NCAPD2: variants seen among roughly 807,000 people sequenced by gnomAD.
NCAPD2 encodes non-SMC condensin I complex subunit D2, also known as condensin complex subunit 1.
NCAPD2 carries 100 observed loss-of-function variants against 164.5 expected under a neutral mutation model. The observed-to-expected ratio is 0.61, with a 90% CI of 0.52 to 0.72. The LOEUF is 0.72. NCAPD2 is among the 30% of genes least tolerant of loss of function. The probability of loss-of-function intolerance (pLI) is 0.00; values close to 1 mark genes in which losing one functional copy is unlikely to be tolerated. For synonymous variants in NCAPD2, 585 were observed against 642.6 expected (o/e 0.91, Z 1.36); for missense variants, 1,560 against 1,749.2 (o/e 0.89, Z 1.93).
In NCAPD2 at chr12:6,528,933, T is replaced by C. The variant is rs1946344600; in HGVS notation, c.3478-12T>C. ...ACCTCATCTCCTTAACATGGCTCTC[T>C]CTGTCTTACAGGGCAACGCAATCTA... On this transcript the variant is annotated splice_polypyrimidine_tract_variant and intron_variant, in intron 26 of 31. Coordinates refer to ENST00000315579, the MANE Select transcript of NCAPD2 (RefSeq NM_014865.4). This position sits in a 1 kb window ranked among gnomAD's most constrained non-coding sequence, Gnocchi z 5.1. The C allele has an allele frequency of 6.2e-7, 1 of 1,613,940 alleles. No homozygotes were observed.
At chr12:6,507,896 A>G (rs756248983) in intron 2 of NCAPD2, among the ~76,000 whole-genome samples, 1 of 152,178 alleles carries the variant, frequency 6.6e-6, no homozygotes, top group Non-Finnish European at 1.5e-5. Context: ...ATTAAAGAAT[A>G]GAGGATTGAT....
At chr12:6,525,475 A>T in intron 17 of NCAPD2, 108 bp from the exon 18 acceptor site, 1 of 1,294,310 alleles carries the variant, frequency 7.7e-7, no homozygotes, top group Non-Finnish European at 1.1e-6. Flanking sequence ...TCTCTTCCTA[A>T]GTATTACTTT....
chr12:6,527,086 TC>T (rs1565546993), intron 22 of NCAPD2, 23 bp downstream of exon 22: 15 of 1,585,330 alleles, frequency 9.5e-6, no homozygotes, highest in Non-Finnish European at 1.3e-5. Context: ...CCTCAGCACT[TC>T]CCAGATTTAT....
Position 6,522,838 on chromosome 12 carries a change from G to A in NCAPD2, c.1965G>A (p.Glu655=). Residue 655 remains glutamate, a synonymous_variant, in exon 16 of 32, where the codon GAG becomes GAA. Transcript: ENST00000315579. ...MYENTTTVVQ[E]VIEFFVMVFQ... is the part of the protein sequence containing the mutation. The stretch of plus-strand genomic sequence containing the variant: ...TACATGTTCTCTCAGTGGTGCAGGA[G>A]GTGATTGAATTCTTTGTGATGGTCT... The A allele has an allele frequency of 6.2e-7, 1 of 1,614,090 alleles. No individual in the cohort carries two copies. The highest frequency in any genetic ancestry group is 8.5e-7 in the Non-Finnish European group (1 of 1,179,998).
chr12:6,521,559 G>A (rs563566601), intron 14 of NCAPD2, among the ~76,000 whole-genome samples: 2 of 124,450 alleles, frequency 1.6e-5, no homozygotes, highest in African/African-American at 7.0e-5. Context: ...GCGGTGGCAC[G>A]CACCTGTAGT....
intron 17 of NCAPD2, 28 bp downstream of exon 17, chr12:6,523,374 A>C (rs771104984): frequency 7.6e-7 from 1 of 1,320,042 alleles, no homozygotes. Flanking sequence ...CTCTTTCTTT[A>C]TTCATTCAAC....
At chr12:6,524,648 CAAAAAAA>C (rs35443041) in intron 17 of NCAPD2, among the ~76,000 whole-genome samples, 4 of 66,582 alleles carry the variant, frequency 6.0e-5, no homozygotes, top group African/African-American at 1.1e-4. Flanking sequence ...GACTCTGTCT[CAAAAAAA>C]AAAAAAAAAA....
chr12:6,509,990 C>T lies in NCAPD2; in HGVS notation c.204-85C>T, dbSNP rs573100970. 1.0e-4 allele frequency: 147 copies of T among 1,439,452 alleles called. No individual in the cohort carries two copies. The Middle Eastern group carries it at 2.1e-3, about 21-fold the overall frequency. The allele number at this position is 1,439,452 out of a possible 1,614,324, so 89.2% of individuals were successfully genotyped here. A position where few individuals can be genotyped will look rare whatever the true frequency, so the allele number is the denominator to read the frequency against. ...AATTTCACGTGTATTTTTAAACATTCGATTCCACGGGTTAGATCTGATCTG... is the reference window on the plus strand; with the variant it reads ...AATTTCACGTGTATTTTTAAACATTTGATTCCACGGGTTAGATCTGATCTG... On this transcript the variant is annotated intron_variant, in intron 3 of 31. Coordinates refer to ENST00000315579, the MANE Select transcript of NCAPD2 (RefSeq NM_014865.4).
intron 27 of NCAPD2, 62 bp downstream of exon 27, chr12:6,529,101 A>G: frequency 5.5e-6 from 8 of 1,447,242 alleles, no homozygotes; most frequent in Non-Finnish European, 7.7e-6. Context: ...AATCAGACAC[A>G]CCTGTATTTG....
chr12:6,517,821 C>T lies in NCAPD2; in HGVS notation c.1451C>T (p.Pro484Leu), dbSNP rs1946218568. ...GAGGAGGAGTGGGAAGCCATGCTGC[C>T]AGAGTTGAAGTCTACCCTGCAGCAG... ...DPEEEWEAML[P>L]ELKSTLQQLL... The change falls in exon 13 of 32, where the codon CCA becomes CTA. Residue 484 changes from proline (P) to leucine (L), a missense_variant. By Grantham distance (98) the Pro-to-Leu change is moderately conservative. Coordinates refer to ENST00000315579, the MANE Select transcript of NCAPD2 (RefSeq NM_014865.4). 2 of 1,614,014 alleles carry T rather than the reference C, an allele frequency of 1.2e-6. No individual in the cohort carries two copies. Among genetic ancestry groups the T allele is most frequent in the African/African-American group, 1.3e-5 (1 of 74,908 alleles).
intron 5 of NCAPD2, 24 bp from the exon 6 acceptor site, chr12:6,511,086 C>G (rs781576619): frequency 6.2e-7 from 1 of 1,604,884 alleles, no homozygotes; most frequent in Non-Finnish European, 8.5e-7. Flanking sequence ...ATTTTTTCCT[C>G]AATGTATACA....
intron 22 of NCAPD2, among the ~76,000 whole-genome samples, chr12:6,527,526 A>G (rs1330102552): frequency 6.6e-6 from 1 of 152,208 alleles, no homozygotes; most frequent in Non-Finnish European, 1.5e-5. Flanking sequence ...TCTGTTTACC[A>G]TATATAGGAA....
chr12:6,523,357 C>T lies in NCAPD2; in HGVS notation c.2214+11C>T. 6.3e-7 allele frequency: 1 copy of T among 1,577,118 alleles called. No homozygotes were observed. The highest frequency in any genetic ancestry group is 8.7e-7 in the Non-Finnish European group (1 of 1,152,500). The stretch of plus-strand genomic sequence containing the variant: ...TGTCTTGAGGAAATTGTAAGGCTTC[C>T]TGCTTTCTCTTTCTTTATTCATTCA... On this transcript the variant is annotated intron_variant, in intron 17 of 31. Coordinates refer to ENST00000315579, the MANE Select transcript of NCAPD2 (RefSeq NM_014865.4).
intron 17 of NCAPD2, 132 bp from the exon 18 acceptor site, chr12:6,525,451 T>A: frequency 9.5e-7 from 1 of 1,053,584 alleles, no homozygotes; most frequent in Non-Finnish European, 1.4e-6. Flanking sequence ...ATTTTGAACC[T>A]CCTCTTTTCT....
Position 6,529,593 on chromosome 12 carries a change from G to T in NCAPD2, c.3653G>T (p.Arg1218Leu), listed in dbSNP as rs61731148. 1.5e-3 allele frequency: 2,388 copies of T among 1,614,138 alleles called. 30 individuals are homozygous for T. The African/African-American group carries it at 0.028, about 19-fold the overall frequency. ...CTGTGTCAGCGGTTCCGCACATCCC[G>T]GTATGCTGCCCTCCCTGAGGGTTCT... is the stretch of plus-strand genomic sequence containing the variant. The part of the protein sequence containing the change: ...EKLCQRFRTS[R>L]TERQQRDLAY... The change falls in exon 28 of 32, where the codon CGA (arginine) becomes CTA (leucine). Residue 1218 changes from arginine (R) to leucine (L), a missense_variant and splice_region_variant. Coordinates refer to ENST00000315579, the MANE Select transcript of NCAPD2 (RefSeq NM_014865.4).
chr12:6,523,241 T>A (rs1433196681), intron 16 of NCAPD2, 21 bp from the exon 17 acceptor site: 1 of 1,609,762 alleles, frequency 6.2e-7, no homozygotes. Context: ...TAGTGACCGC[T>A]GATCTCTGCT....
chr12:6,524,456 G>A (rs997220982), intron 17 of NCAPD2, among the ~76,000 whole-genome samples: 2 of 151,970 alleles, frequency 1.3e-5, no homozygotes, highest in Admixed American at 6.6e-5. Context: ...AGACCAGCCT[G>A]GTCAACATGG....
chr12:6,510,222 G>A, intron 4 of NCAPD2, 89 bp downstream of exon 4: 1 of 1,351,412 alleles, frequency 7.4e-7, no homozygotes, highest in Non-Finnish European at 1.1e-6. Context: ...CATTTTGTCA[G>A]CCACATGATG....
intron 2 of NCAPD2, among the ~76,000 whole-genome samples, chr12:6,502,951 T>A (rs1024748580): frequency 1.1e-4 from 17 of 151,200 alleles, no homozygotes; most frequent in Admixed American, 1.1e-3. Context: ...TTCAAGCGAT[T>A]CTCCTGCCTC....
Sources: allele counts gnomAD v4.1 joint callset (sites outside exome capture counted in the v4.1 genomes callset), GRCh38; gene constraint gnomAD v4.1.1; non-coding constraint Gnocchi (gnomAD v3.1); transcripts MANE v1.5; gene names NCBI Gene and HGNC (gene_info 2026-07-23, HGNC 2026-07-21).